NELL2: variants seen among roughly 807,000 people sequenced by gnomAD.
The protein encoded by NELL2 is neural EGFL like 2, also known as protein kinase C-binding protein NELL2.
Under a neutral mutation model 109.6 loss-of-function variants are expected in NELL2, and 41 were observed. That is an observed-to-expected ratio of 0.37 (90% CI 0.29 to 0.49). NELL2 has a LOEUF of 0.49. NELL2 is among the 20% of genes least tolerant of loss of function. The pLI is 0.98. For missense variants in NELL2, 900 were observed against 1,008.3 expected (o/e 0.89, Z 1.45); for synonymous variants, 355 against 344.7 (o/e 1.03, Z -0.33).
chr12:44,774,863 A>T lies in NELL2; in HGVS notation c.892-14T>A. On this transcript the variant is annotated splice_polypyrimidine_tract_variant and intron_variant, in intron 8 of 19. Transcript: ENST00000429094. ...GATGGTTCCATTCTGAAAAGGAAAC[A>T]ATATTTAAAGAATTTCCATGTTAGA... The T allele has an allele frequency of 6.4e-7, 1 of 1,571,072 alleles. No homozygotes were observed.
chr12:44,532,339 T>C, intron 16 of NELL2, among the ~76,000 whole-genome samples: 1 of 152,180 alleles, frequency 6.6e-6, no homozygotes. Flanking sequence ...AAAAACACCA[T>C]TTAACAGTTG....
chr12:44,803,193 A>T (rs1399524612), intron 3 of NELL2, among the ~76,000 whole-genome samples: 17 of 151,242 alleles, frequency 1.1e-4, no homozygotes. Context: ...AAGACCATAG[A>T]GGATATCAGA....
rs573173473 is a variant in NELL2 at position 44,890,834 on chromosome 12, G to A, written c.39-14934C>T. Among the ~76,000 whole-genome samples the A allele has an allele frequency of 1.1e-4, 17 of 152,048 alleles. No homozygotes were observed. The South Asian group carries it at 3.1e-3, about 28-fold the overall frequency. On this transcript the variant is annotated intron_variant, in intron 1 of 20. Coordinates refer to the NELL2 transcript ENST00000333837. ...CAATCTCCACCTCCTGGGTTCAAGC[G>A]ATTCTCTCACCCCAGCCTCCTGAGT...
intron 2 of NELL2, among the ~76,000 whole-genome samples, chr12:44,818,738 TA>T (rs200632145): frequency 0.038 from 3,140 of 82,172 alleles, 665 homozygotes; most frequent in African/African-American, 0.13. Context: ...TTTTTTTTTT[TA>T]TTTTTTTTTT....
intron 2 of NELL2, among the ~76,000 whole-genome samples, chr12:44,825,547 C>T (rs144283839): frequency 0.013 from 1,972 of 150,502 alleles, 52 homozygotes; most frequent in African/African-American, 0.045. Context: ...AGGTGCGTGC[C>T]ACCATGCCCA....
intron 12 of NELL2, among the ~76,000 whole-genome samples, chr12:44,702,437 A>T (rs894685168): frequency 6.6e-5 from 10 of 151,994 alleles, no homozygotes; most frequent in East Asian, 1.9e-4. Context: ...CTCAAAATTT[A>T]AAAAAAAGCA....
chr12:44,737,321 A>G (rs1036966900), intron 9 of NELL2, among the ~76,000 whole-genome samples: 1 of 133,434 alleles, frequency 7.5e-6, no homozygotes, highest in African/African-American at 2.6e-5. Context: ...TGGGACAAAC[A>G]GTCTCAACAT....
At chr12:44,705,783 C>G (rs565866154) in intron 11 of NELL2, among the ~76,000 whole-genome samples, 4 of 152,210 alleles carry the variant, frequency 2.6e-5, no homozygotes, top group South Asian at 2.1e-4. Context: ...AATTAAGAAA[C>G]AAAGCTCTAA....
intron 9 of NELL2, among the ~76,000 whole-genome samples, chr12:44,751,058 C>T (rs1180191850): frequency 6.6e-6 from 1 of 152,048 alleles, no homozygotes; most frequent in Non-Finnish European, 1.5e-5. Flanking sequence ...GATTAAATTA[C>T]CACAGAATTT....
intron 12 of NELL2, among the ~76,000 whole-genome samples, chr12:44,666,277 A>G (rs1335269276): frequency 6.6e-6 from 1 of 152,222 alleles, no homozygotes; most frequent in East Asian, 1.9e-4. Flanking sequence ...GCTAACCCAT[A>G]AGAAGCACTG....
chr12:44,820,679 A>C (rs1005378786), intron 2 of NELL2, among the ~76,000 whole-genome samples: 1 of 152,112 alleles, frequency 6.6e-6, no homozygotes, highest in Non-Finnish European at 1.5e-5. Context: ...AGCAAAAGGT[A>C]AAAGAAAGGA....
chr12:44,539,100 T>TC (rs1044901476), intron 15 of NELL2, among the ~76,000 whole-genome samples: 2 of 152,166 alleles, frequency 1.3e-5, no homozygotes, highest in African/African-American at 2.4e-5. Context: ...TTTGTCTGTT[T>TC]CCCCCCATAT....
intron 2 of NELL2, among the ~76,000 whole-genome samples, chr12:44,837,839 A>G (rs1944101770): frequency 6.6e-6 from 1 of 152,230 alleles, no homozygotes; most frequent in African/African-American, 2.4e-5. Flanking sequence ...CTGAATTAAA[A>G]AATAGCTTTA....
rs559603312 is a variant in NELL2 at position 44,806,565 on chromosome 12, G to C, written c.335+9421C>G. The stretch of plus-strand genomic sequence containing the variant: ...CTAGCCAATATCATAAAATTTAGAA[G>C]TACATACACACAGTGCATATAGAAA... On this transcript the variant is annotated intron_variant, in intron 3 of 19. Coordinates refer to ENST00000429094, the MANE Select transcript of NELL2 (RefSeq NM_001145108.2). Among the ~76,000 whole-genome samples, 6 of 151,768 alleles carry C rather than the reference G, an allele frequency of 4.0e-5. No homozygotes were observed. The South Asian group carries it at 1.2e-3, about 31-fold the overall frequency.
At chr12:44,554,411 A>G (rs1433470970) in intron 15 of NELL2, among the ~76,000 whole-genome samples, 9 of 152,210 alleles carry the variant, frequency 5.9e-5, no homozygotes, top group Admixed American at 5.9e-4. Context: ...AAAGTAACAT[A>G]CAATGACAGA....
intron 9 of NELL2, among the ~76,000 whole-genome samples, chr12:44,726,644 G>T (rs911028409): frequency 2.6e-5 from 4 of 152,170 alleles, no homozygotes; most frequent in Admixed American, 1.3e-4. Context: ...AGAAAATTTT[G>T]ATTGCAATTG....
intron 2 of NELL2, among the ~76,000 whole-genome samples, chr12:44,852,755 A>AT (rs146492847): frequency 0.017 from 2,580 of 152,172 alleles, 64 homozygotes; most frequent in African/African-American, 0.058. Flanking sequence ...GTGAATGCTC[A>AT]TTTTTTTCCA....
chr12:44,701,319 C>G (rs1218378042), intron 12 of NELL2, among the ~76,000 whole-genome samples: 1 of 151,946 alleles, frequency 6.6e-6, no homozygotes, highest in Non-Finnish European at 1.5e-5. Flanking sequence ...ATTTTTCCAT[C>G]ACTTTCTTAT....
At chr12:44,884,146 G>A (rs1592702934) in intron 1 of NELL2, among the ~76,000 whole-genome samples, 1 of 151,556 alleles carries the variant, frequency 6.6e-6, no homozygotes, top group East Asian at 1.9e-4. Flanking sequence ...ATATATACTA[G>A]GTAAACATGA....
Sources: gnomAD v4.1 joint callset for allele counts (sites outside exome capture counted in the v4.1 genomes callset) on GRCh38, gnomAD v4.1.1 for gene constraint, MANE v1.5 for transcripts, NCBI Gene and HGNC (gene_info 2026-07-23, HGNC 2026-07-21) for gene names.